Variants in EML4 observed in about 807,000 individuals in gnomAD.
EML4 encodes echinoderm microtubule-associated protein-like 4.
In EML4, 72 loss-of-function variants were observed where a neutral mutation model predicts 129.0. That is an observed-to-expected ratio of 0.56 (90% CI 0.46 to 0.68). EML4 has a LOEUF of 0.68. EML4 is among the 30% of genes least tolerant of loss of function. EML4 has a pLI of 0.00. For missense variants in EML4, 1,363 were observed against 1,190.6 expected (o/e 1.14, Z -2.13); for synonymous variants, 532 against 405.0 (o/e 1.31, Z -3.77).
At chr2:42,278,257 G>T (rs747643412) in intron 6 of EML4, among the ~76,000 whole-genome samples, 18 of 152,182 alleles carry the variant, frequency 1.2e-4, no homozygotes, top group African/African-American at 1.9e-4. Flanking sequence ...GGTTTTTTTG[G>T]TTTTTTGTTT....
At chr2:42,211,482 T>C (rs753228182) in intron 1 of EML4, among the ~76,000 whole-genome samples, 1 of 152,182 alleles carries the variant, frequency 6.6e-6, no homozygotes, top group Admixed American at 6.5e-5. Context: ...AATCTTGTGT[T>C]GCTATAAACT....
chr2:42,213,072 ACT>A (rs1455739451), intron 1 of EML4, among the ~76,000 whole-genome samples: 3 of 152,298 alleles, frequency 2.0e-5, no homozygotes, highest in East Asian at 1.9e-4. Flanking sequence ...TATTGGAATA[ACT>A]CTGCTTCAGT....
At chr2:42,227,071 C>T (rs1054331755) in intron 1 of EML4, among the ~76,000 whole-genome samples, 2 of 152,136 alleles carry the variant, frequency 1.3e-5, no homozygotes, top group Non-Finnish European at 2.9e-5. Flanking sequence ...CTTTTTTCCA[C>T]TTTCAGTTTT....
chr2:42,328,775 T>A, intron 21 of EML4, 111 bp from the exon 22 acceptor site: 1 of 829,114 alleles, frequency 1.2e-6, no homozygotes, highest in Non-Finnish European at 1.8e-6. Context: ...CAGCTAAGAG[T>A]TTGAACATAG....
At position 42,255,285 on chromosome 2, in the gene EML4, G is replaced by A. The variant is rs527262529; in HGVS notation, c.209-1216G>A. Among the ~76,000 whole-genome samples, 21 of 151,940 alleles carry A rather than the reference G, an allele frequency of 1.4e-4. No homozygotes were observed. The South Asian group carries it at 3.9e-3, about 29-fold the overall frequency. On this transcript the variant is annotated intron_variant, in intron 2 of 22. Coordinates refer to ENST00000318522, the MANE Select transcript of EML4 (RefSeq NM_019063.5). The stretch of plus-strand genomic sequence containing the variant: ...TATTTTTAGTAGATACAGGGTTTCA[G>A]CATGTTAGCCAGGATGGACTCGATC...
At chr2:42,265,852 G>A (rs867338314) in intron 6 of EML4, among the ~76,000 whole-genome samples, 1 of 152,072 alleles carries the variant, frequency 6.6e-6, no homozygotes, top group African/African-American at 2.4e-5. Context: ...GGCTTGTTCA[G>A]ACCAAAAAAA....
chr2:42,314,926 G>C (rs374760983), intron 17 of EML4, among the ~76,000 whole-genome samples: 60 of 152,296 alleles, frequency 3.9e-4, no homozygotes, highest in African/African-American at 1.4e-3. Context: ...GTTGTTTTAC[G>C]TCTCAAGAGG....
At chr2:42,327,949 T>G (rs999393374) in intron 21 of EML4, among the ~76,000 whole-genome samples, 6 of 152,204 alleles carry the variant, frequency 3.9e-5, no homozygotes, top group South Asian at 2.1e-4. Flanking sequence ...TATAGGTGGT[T>G]GTTCTAAACA....
At chr2:42,329,164 C>T in intron 22 of EML4, 148 bp downstream of exon 22, 1 of 684,644 alleles carries the variant, frequency 1.5e-6, no homozygotes, top group Non-Finnish European at 2.3e-6. Flanking sequence ...GAGCATCCAT[C>T]CAGGCAGTGC....
rs150283152 is a variant in EML4, at chr2:42,305,820, A to G, written c.1967+1269A>G. ...CTTATGTAAATATTTTTGTTTCTAT[A>G]TAAGACTTAAATACTTTAAACCAAC... is the stretch of plus-strand genomic sequence containing the variant. On this transcript the variant is annotated intron_variant, in intron 17 of 22. Transcript: ENST00000318522. Among the ~76,000 whole-genome samples, 29 of 152,318 alleles carry G rather than the reference A, an allele frequency of 1.9e-4. No homozygotes were observed. In the East Asian group the frequency reaches 5.2e-3, roughly 27 times the overall value.
intron 1 of EML4, among the ~76,000 whole-genome samples, chr2:42,175,699 A>T (rs1186784078): frequency 6.6e-6 from 1 of 151,960 alleles, no homozygotes; most frequent in Non-Finnish European, 1.5e-5. Context: ...AGGTTTTGCC[A>T]TATTGGCCAA....
rs116744396 is a variant in EML4 at position 42,259,562 on chromosome 2, C to T, written c.339-1559C>T. ...TACCCTCTAAGTATATATCTCTGAT[C>T]AAATTCCTTGTTGACTGTCTTTCAT... On this transcript the variant is annotated intron_variant, in intron 3 of 22. Transcript: ENST00000318522. Among the ~76,000 whole-genome samples the T allele has an allele frequency of 7.1e-3, 1,073 of 152,090 alleles. 14 individuals are homozygous for T. The highest frequency in any genetic ancestry group is 0.025 in the African/African-American group (1,031 of 41,504).
chr2:42,204,116 C>G (rs952361488), intron 1 of EML4, among the ~76,000 whole-genome samples: 1 of 152,078 alleles, frequency 6.6e-6, no homozygotes, highest in Non-Finnish European at 1.5e-5. Context: ...AGATGGGTCT[C>G]ACTTTGTTGC....
chr2:42,180,234 C>T (rs568375829), intron 1 of EML4, among the ~76,000 whole-genome samples: 4 of 152,244 alleles, frequency 2.6e-5, no homozygotes, highest in East Asian at 3.9e-4. Flanking sequence ...GAATATGTTC[C>T]GTGTATGTAT....
intron 6 of EML4, chr2:42,264,967 G>A (rs1265107858): frequency 8.4e-6 from 13 of 1,547,814 alleles, no homozygotes; most frequent in Admixed American, 6.0e-5. Context: ...AATAAGCTAC[G>A]CAGTTGGTTG....
intron 1 of EML4, among the ~76,000 whole-genome samples, chr2:42,191,642 T>C (rs949740420): frequency 6.6e-6 from 1 of 152,246 alleles, no homozygotes; most frequent in African/African-American, 2.4e-5. Context: ...TCTGTTGACA[T>C]TGTTTAATAT....
Position 42,304,520 on chromosome 2 carries a change from A to G in EML4, c.1936A>G (p.Thr646Ala), listed in dbSNP as rs748038828. ...GHCADFHPSG[T>A]VVAIGTHSGR... ...CTGTGCAGATTTTCATCCAAGTGGC[A>G]CAGTGGTGGCCATAGGAACGCACTC... The change falls in exon 17 of 23, where the codon ACA (threonine) becomes GCA (alanine). Residue 646 changes from threonine (T) to alanine (A), a missense_variant. Coordinates refer to ENST00000318522, the MANE Select transcript of EML4 (RefSeq NM_019063.5). The G allele has an allele frequency of 1.2e-6, 2 of 1,613,996 alleles. No individual in the cohort carries two copies. Among genetic ancestry groups the G allele is most frequent in the African/African-American group, 2.7e-5 (2 of 74,918 alleles).
At position 42,320,594 on chromosome 2, in the gene EML4, C is replaced by T. The variant is rs376671187; in HGVS notation, c.2154+3070C>T. On this transcript the variant is annotated intron_variant, in intron 19 of 22. Transcript: ENST00000318522. ...ACTAGATGAGCCTGGGTTGTACCTA[C>T]GGGTATTTTTCAGCATTTAACAGTA... 5.3e-5 allele frequency among the ~76,000 whole-genome samples: 8 copies of T among 152,046 alleles called. No homozygotes were observed. In the East Asian group the frequency reaches 7.7e-4, roughly 15 times the overall value.
Position 42,303,440 on chromosome 2 carries a change from G to A in EML4, c.1893G>A (p.Leu631=), listed in dbSNP as rs1278593193. The A allele has an allele frequency of 6.2e-7, 1 of 1,613,442 alleles. No homozygotes were observed. The highest frequency in any genetic ancestry group is 8.5e-7 in the Non-Finnish European group (1 of 1,179,664). ...SMEHRLEWTR[L]VDEPGHCADF... ...AACACAGGCTGGAATGGACCAGGCTGGTAGATGTGAGTGAAGCAGGATGTG... is the reference window on the plus strand; with the variant it reads ...AACACAGGCTGGAATGGACCAGGCTAGTAGATGTGAGTGAAGCAGGATGTG... Residue 631 remains leucine (L), a synonymous_variant, in exon 16 of 23, where the codon CTG becomes CTA. Coordinates refer to ENST00000318522, the MANE Select transcript of EML4 (RefSeq NM_019063.5).
Sources: gnomAD v4.1 joint callset for allele counts (sites outside exome capture counted in the v4.1 genomes callset) on GRCh38, gnomAD v4.1.1 for gene constraint, MANE v1.5 for transcripts, NCBI Gene and HGNC (gene_info 2026-07-23, HGNC 2026-07-21) for gene names.